NELL2: variants seen among roughly 807,000 people sequenced by gnomAD.
NELL2 encodes the protein protein kinase C-binding protein NELL2.
NELL2 carries 41 observed loss-of-function variants against 109.6 expected under a neutral mutation model. The observed-to-expected ratio is 0.37, with a 90% CI of 0.29 to 0.49. The LOEUF is 0.49. Among genes scored for constraint, NELL2 ranks in the 20% least tolerant of loss-of-function variants. NELL2 has a pLI of 0.98. For synonymous variants in NELL2, 355 were observed against 344.7 expected (o/e 1.03, Z -0.33); for missense variants, 900 against 1,008.3 (o/e 0.89, Z 1.45).
chr12:44,662,818 CT>C (rs1947793140), intron 13 of NELL2, among the ~76,000 whole-genome samples: 1 of 152,030 alleles, frequency 6.6e-6, no homozygotes, highest in African/African-American at 2.4e-5. Flanking sequence ...CTGGGAGTAT[CT>C]GTTGTTCTGT....
At chr12:44,755,049 C>T (rs1940823016) in intron 9 of NELL2, among the ~76,000 whole-genome samples, 1 of 152,164 alleles carries the variant, frequency 6.6e-6, no homozygotes, top group Admixed American at 6.6e-5. Flanking sequence ...CACATAACTA[C>T]ACACATCCCA....
intron 9 of NELL2, among the ~76,000 whole-genome samples, chr12:44,731,575 A>C (rs1402490383): frequency 1.3e-5 from 2 of 152,080 alleles, no homozygotes; most frequent in African/African-American, 4.8e-5. Flanking sequence ...CTCAACAAAC[A>C]ATAAATAGAA....
chr12:44,764,870 C>G (rs113413166), intron 9 of NELL2, among the ~76,000 whole-genome samples: 1 of 151,852 alleles, frequency 6.6e-6, no homozygotes, highest in African/African-American at 2.4e-5. Context: ...AAAAAAAAAG[C>G]AATACTGAGC....
chr12:44,639,125 C>T (rs1946753019), intron 13 of NELL2, among the ~76,000 whole-genome samples: 1 of 152,194 alleles, frequency 6.6e-6, no homozygotes, highest in South Asian at 2.1e-4. Context: ...TGCTGAATAG[C>T]CATGTTTCCA....
Position 44,875,948 on chromosome 12 carries a change from G to C in NELL2, c.-79C>G, listed in dbSNP as rs1398202955. ...CGAAGAGGTTCTTGGAATCAAGCGG[G>C]AAAATAACGTTTGTCTCTCCTGCTG... On this transcript the variant is annotated 5_prime_UTR_variant, in exon 1 of 20. Transcript: ENST00000429094. The C allele has an allele frequency of 6.2e-7, 1 of 1,603,754 alleles. No individual in the cohort carries two copies. The highest frequency in any genetic ancestry group is 1.1e-5 in the South Asian group (1 of 90,716).
chr12:44,876,228 G>C lies in NELL2; in HGVS notation c.-359C>G. On this transcript the variant is annotated 5_prime_UTR_variant, in exon 1 of 20. Coordinates refer to ENST00000429094, the MANE Select transcript of NELL2 (RefSeq NM_001145108.2). ...AAGACTCGCACACCCGGTAGAAGGG[G>C]GGCGGCCCCAAGAAAGCCCGGGCTG... 1 of 1,173,128 alleles carries C rather than the reference G, an allele frequency of 8.5e-7. No homozygotes were observed. Among genetic ancestry groups the C allele is most frequent in the Non-Finnish European group, 1.1e-6 (1 of 948,022 alleles). The allele number at this position is 1,173,128 out of a possible 1,614,324, so 72.7% of individuals were successfully genotyped here.
intron 2 of NELL2, among the ~76,000 whole-genome samples, chr12:44,864,841 T>C (rs958314407): frequency 6.6e-6 from 1 of 152,158 alleles, no homozygotes; most frequent in Non-Finnish European, 1.5e-5. Flanking sequence ...TTTAACAATG[T>C]GTCTTTATAG....
intron 13 of NELL2, among the ~76,000 whole-genome samples, chr12:44,663,760 C>A (rs1833078925): frequency 6.6e-6 from 1 of 152,168 alleles, no homozygotes; most frequent in Non-Finnish European, 1.5e-5. Flanking sequence ...GGATTTATAT[C>A]CAACAGACTC....
intron 2 of NELL2, chr12:44,874,857 T>C (rs1945267166): frequency 5.7e-6 from 1 of 176,114 alleles, no homozygotes; most frequent in South Asian, 1.5e-4. Context: ...GAGATCAGTG[T>C]CTTAACTAAG....
At chr12:44,563,309 A>G (rs1219388670) in intron 15 of NELL2, among the ~76,000 whole-genome samples, 1 of 152,152 alleles carries the variant, frequency 6.6e-6, no homozygotes, top group Non-Finnish European at 1.5e-5. Flanking sequence ...AACTTAAAGT[A>G]TAATAAAAAA....
chr12:44,638,445 C>G (rs996313100), intron 13 of NELL2, among the ~76,000 whole-genome samples: 20 of 152,038 alleles, frequency 1.3e-4, no homozygotes, highest in Non-Finnish European at 1.9e-4. Context: ...AGAACATTAC[C>G]TAGCTAAGGG....
chr12:44,913,859 G>T (rs1200587059), exon 1 of NELL2: 1 of 734,786 alleles, frequency 1.4e-6, no homozygotes, highest in Non-Finnish European at 2.1e-6. Flanking sequence ...ATGTCTAAAA[G>T]GTTCTTTTTT....
intron 15 of NELL2, among the ~76,000 whole-genome samples, chr12:44,572,818 C>A (rs1045240403): frequency 2.0e-5 from 3 of 152,180 alleles, no homozygotes; most frequent in Non-Finnish European, 2.9e-5. Context: ...AGATATGTGA[C>A]ATGGCTAAGA....
chr12:44,578,357 A>AC (rs1323536217), intron 15 of NELL2, among the ~76,000 whole-genome samples: 1 of 152,124 alleles, frequency 6.6e-6, no homozygotes, highest in Non-Finnish European at 1.5e-5. Flanking sequence ...ATCACAGAGT[A>AC]CTTCAAGTTT....
At chr12:44,644,631 C>CATACAT (rs1555190928) in intron 13 of NELL2, among the ~76,000 whole-genome samples, 16 of 100,940 alleles carry the variant, frequency 1.6e-4, no homozygotes, top group South Asian at 1.6e-3. Context: ...TATATACATA[C>CATACAT]ATATATATAT....
rs1184161017 is a variant in NELL2, at chr12:44,770,975, T to C, written c.994+3772A>G. ...CTAAATTCAGTGACTTTCAGTAACA[T>C]TTGATTTCCTAGAATTTCAGTCAAT... On this transcript the variant is annotated intron_variant, in intron 9 of 19. Transcript: ENST00000429094. Among the ~76,000 whole-genome samples the C allele has an allele frequency of 2.6e-5, 4 of 152,196 alleles. No individual in the cohort carries two copies. The South Asian group carries it at 8.3e-4, about 32-fold the overall frequency.
intron 13 of NELL2, among the ~76,000 whole-genome samples, chr12:44,649,075 T>C (rs562457503): frequency 1.3e-5 from 2 of 152,044 alleles, no homozygotes; most frequent in East Asian, 3.9e-4. Context: ...CACAATGCCA[T>C]CTTACATTTT....
chr12:44,586,305 C>T (rs911527616), intron 15 of NELL2, among the ~76,000 whole-genome samples: 3 of 149,388 alleles, frequency 2.0e-5, no homozygotes, highest in Non-Finnish European at 4.4e-5. Context: ...TAGATATATA[C>T]ACACACACAT....
At chr12:44,643,674 C>A (rs1002590897) in intron 13 of NELL2, among the ~76,000 whole-genome samples, 3 of 152,118 alleles carry the variant, frequency 2.0e-5, no homozygotes, top group Non-Finnish European at 2.9e-5. Context: ...AAGAAAGCAG[C>A]AAATTTAGGG....
Sources: allele counts gnomAD v4.1 joint callset (sites outside exome capture counted in the v4.1 genomes callset), GRCh38; gene constraint gnomAD v4.1.1; transcripts MANE v1.5; gene names NCBI Gene and HGNC (gene_info 2026-07-23, HGNC 2026-07-21).